KSR2: variants seen among roughly 807,000 people sequenced by gnomAD.
KSR2 encodes the protein kinase suppressor of ras 2.
KSR2 carries 25 observed loss-of-function variants against 107.8 expected under a neutral mutation model. The observed-to-expected ratio is 0.23, with a 90% CI of 0.17 to 0.32. KSR2 has a LOEUF of 0.32. Among genes scored for constraint, KSR2 ranks in the 10% least tolerant of loss-of-function variants. KSR2 has a pLI of 1.00. For synonymous variants in KSR2, 480 were observed against 507.0 expected, an observed-to-expected ratio of 0.95 and a Z score of 0.71; for missense variants, 887 against 1,268.9, an observed-to-expected ratio of 0.70 and a Z score of 4.57.
At chr12:117,787,603 A>T (rs1890123964) in intron 3 of KSR2, among the ~76,000 whole-genome samples, 1 of 152,186 alleles carries the variant, frequency 6.6e-6, no homozygotes, top group South Asian at 2.1e-4. Context: ...ACTGCACTCC[A>T]GCCTTGGCAA....
intron 1 of KSR2, among the ~76,000 whole-genome samples, chr12:117,962,330 G>T (rs974340578): frequency 6.6e-6 from 1 of 151,932 alleles, no homozygotes; most frequent in Non-Finnish European, 1.5e-5. Context: ...CCTTAGGATG[G>T]TCTCTGTCTT....
chr12:117,599,431 T>A (rs1880816677), intron 5 of KSR2, among the ~76,000 whole-genome samples: 1 of 152,138 alleles, frequency 6.6e-6, no homozygotes, highest in Admixed American at 6.5e-5. Context: ...GCATCTGCAT[T>A]TCTAACAAGT....
chr12:117,498,017 C>T (rs1276248304), intron 14 of KSR2, among the ~76,000 whole-genome samples: 2 of 152,182 alleles, frequency 1.3e-5, no homozygotes, highest in African/African-American at 2.4e-5. Flanking sequence ...GAGAACTTCT[C>T]GCACCATCTC....
In KSR2 at chr12:117,711,512, G is replaced by A. The variant is rs561758990; in HGVS notation, c.987-43854C>T. On this transcript the variant is annotated intron_variant, in intron 4 of 19. Transcript: ENST00000339824. ...TGTGCAAATGCTGGTGGCCTGGACA[G>A]AGCAATGGGAATGGACACACCCAAG... is the stretch of plus-strand genomic sequence containing the variant. Among the ~76,000 whole-genome samples, 3 of 152,356 alleles carry A rather than the reference G, an allele frequency of 2.0e-5. No individual in the cohort carries two copies. In the East Asian group the frequency reaches 5.8e-4, roughly 29 times the overall value.
At chr12:117,588,134 A>AG (rs1054255421) in intron 5 of KSR2, among the ~76,000 whole-genome samples, 3 of 152,136 alleles carry the variant, frequency 2.0e-5, no homozygotes, top group Non-Finnish European at 4.4e-5. Context: ...GGAAAAGCAA[A>AG]GGGGGTGTAC....
chr12:117,710,936 CT>C (rs1886747373), intron 4 of KSR2, among the ~76,000 whole-genome samples: 1 of 152,160 alleles, frequency 6.6e-6, no homozygotes, highest in Non-Finnish European at 1.5e-5. Context: ...CTGGAACAGT[CT>C]TCACTCCATT....
intron 5 of KSR2, among the ~76,000 whole-genome samples, chr12:117,605,056 C>G (rs1421003320): frequency 6.6e-6 from 1 of 152,166 alleles, no homozygotes; most frequent in African/African-American, 2.4e-5. Context: ...ATTCTAATCT[C>G]TTGTGCTTTC....
At position 117,578,951 on chromosome 12, in the gene KSR2, A is replaced by T. The variant is rs532262210; in HGVS notation, c.1325+168T>A. Among the ~76,000 whole-genome samples the T allele has an allele frequency of 2.3e-4, 35 of 152,200 alleles. 1 individual carries two copies. In the South Asian group the frequency reaches 4.2e-3, roughly 18 times the overall value. On this transcript the variant is annotated intron_variant, in intron 7 of 19. Coordinates refer to ENST00000339824, the MANE Select transcript of KSR2 (RefSeq NM_173598.6). ...TCTTATTCAGAATTGCTCTCCCTTG[A>T]CCCCCTACCCAAACTTACAGGTGCA...
intron 5 of KSR2, among the ~76,000 whole-genome samples, chr12:117,647,020 G>C (rs1483188847): frequency 6.6e-6 from 1 of 152,180 alleles, no homozygotes; most frequent in African/African-American, 2.4e-5. Context: ...TGGTGACCAG[G>C]AGAAAGAAAG....
chr12:117,477,660 G>C (rs918412408), intron 16 of KSR2, among the ~76,000 whole-genome samples: 2 of 152,200 alleles, frequency 1.3e-5, no homozygotes, highest in African/African-American at 2.4e-5. Context: ...AGAATATCTA[G>C]ACAGAAGGGG....
At chr12:117,650,995 C>T (rs1373977374) in intron 5 of KSR2, among the ~76,000 whole-genome samples, 1 of 152,102 alleles carries the variant, frequency 6.6e-6, no homozygotes, top group African/African-American at 2.4e-5. Context: ...CAGGTGTTTA[C>T]TGTTAAAGTG....
rs532863780 is a variant in KSR2 at position 117,587,494 on chromosome 12, C to T, written c.1172-5135G>A. 1.9e-4 allele frequency among the ~76,000 whole-genome samples: 29 copies of T among 152,234 alleles called. No homozygotes were observed. In the South Asian group the frequency reaches 6.0e-3, roughly 32 times the overall value. ...AGCTTCCAGAAGGAACCAGCTCTGC[C>T]GACACCCTGATCTTAATCCCATTGG... On this transcript the variant is annotated intron_variant, in intron 5 of 19. Coordinates refer to ENST00000339824, the MANE Select transcript of KSR2 (RefSeq NM_173598.6).
intron 4 of KSR2, among the ~76,000 whole-genome samples, chr12:117,699,903 C>T (rs896882707): frequency 2.0e-5 from 3 of 152,108 alleles, no homozygotes; most frequent in African/African-American, 2.4e-5. Context: ...GACAGAGTCT[C>T]ACTCTGTCAC....
In KSR2 at chr12:117,525,160, C is replaced by G; in HGVS notation, c.1911G>C (p.Leu637=). 6.2e-7 allele frequency: 1 copy of G among 1,613,882 alleles called. No homozygotes were observed. Among genetic ancestry groups the G allele is most frequent in the Non-Finnish European group, 8.5e-7 (1 of 1,179,816 alleles). Residue 637 remains leucine, a synonymous_variant, in exon 14 of 20, where the codon CTG becomes CTC. Coordinates refer to ENST00000339824, the MANE Select transcript of KSR2 (RefSeq NM_173598.6). ...ESEDDFEEMN[L]SLLSARSFPR... ...GGAAGCTCCGGGCCGAGAGGAGGGA[C>G]AGGTTCATCTCCTCGAAGTCATCCT...
intron 8 of KSR2, 67 bp from the exon 9 acceptor site, chr12:117,555,360 C>T (rs1467790852): frequency 1.3e-5 from 20 of 1,565,524 alleles, no homozygotes; most frequent in Non-Finnish European, 1.7e-5. Flanking sequence ...GCCAGGACGG[C>T]ATAGCTCAGA....
At chr12:117,563,134 A>T (rs118163089) in intron 7 of KSR2, among the ~76,000 whole-genome samples, 2 of 152,290 alleles carry the variant, frequency 1.3e-5, no homozygotes, top group Non-Finnish European at 1.5e-5. Flanking sequence ...TACCCATGGA[A>T]GAAAGAGCTA....
chr12:117,535,115 A>C (rs1437239452), intron 10 of KSR2, among the ~76,000 whole-genome samples: 2 of 152,222 alleles, frequency 1.3e-5, no homozygotes, highest in African/African-American at 4.8e-5. Context: ...GTCCAAACCT[A>C]GTGCCTAGTA....
At chr12:117,952,022 T>C (rs1896376149) in intron 1 of KSR2, among the ~76,000 whole-genome samples, 1 of 152,146 alleles carries the variant, frequency 6.6e-6, no homozygotes, top group Non-Finnish European at 1.5e-5. Context: ...GGGGAAATGT[T>C]GGTCAAAGGA....
chr12:117,815,310 T>C (rs952980188), intron 3 of KSR2, among the ~76,000 whole-genome samples: 1 of 152,170 alleles, frequency 6.6e-6, no homozygotes, highest in East Asian at 1.9e-4. Context: ...TTAGGGATCA[T>C]TACACAATTA....
Sources: gnomAD v4.1 joint callset for allele counts (sites outside exome capture counted in the v4.1 genomes callset) on GRCh38, gnomAD v4.1.1 for gene constraint, MANE v1.5 for transcripts, NCBI Gene and HGNC (gene_info 2026-07-23, HGNC 2026-07-21) for gene names.